SMG7: variants seen among roughly 807,000 people sequenced by gnomAD.
SMG7 encodes the protein nonsense-mediated mRNA decay factor SMG7.
Under a neutral mutation model 148.2 loss-of-function variants are expected in SMG7, and 34 were observed. The observed-to-expected ratio is 0.23, with a 90% CI of 0.17 to 0.31. The LOEUF (loss-of-function observed/expected upper bound fraction) is 0.31. Ranked by LOEUF, SMG7 falls within the 10% of genes least tolerant of loss-of-function variation. The pLI is 1.00. For synonymous variants in SMG7, 492 were observed against 515.1 expected (o/e 0.96, Z 0.61); for missense variants, 1,114 against 1,408.4 (o/e 0.79, Z 3.35).
intron 20 of SMG7, 28 bp downstream of exon 20, chr1:183,549,951 C>A: frequency 6.5e-7 from 1 of 1,536,666 alleles, no homozygotes; most frequent in Middle Eastern, 1.7e-4. Context: ...AATTATAGAC[C>A]TTACATTTCC....
intron 1 of SMG7, among the ~76,000 whole-genome samples, chr1:183,481,016 G>A (rs757398625): frequency 1.3e-5 from 2 of 152,178 alleles, no homozygotes; most frequent in South Asian, 4.2e-4. Context: ...TCTTTTTCAG[G>A]TTCTTTACCA....
intron 1 of SMG7, among the ~76,000 whole-genome samples, chr1:183,477,699 T>C (rs1284097982): frequency 3.3e-5 from 5 of 149,444 alleles, no homozygotes; most frequent in East Asian, 1.9e-4. Context: ...TATGTGTATA[T>C]ATGCATATAT....
intron 2 of SMG7, chr1:183,513,231 A>T: frequency 5.7e-6 from 1 of 176,730 alleles, no homozygotes; most frequent in Non-Finnish European, 1.2e-5. Flanking sequence ...TTTCTGGGAA[A>T]TTTTTTTTTC....
intron 1 of SMG7, among the ~76,000 whole-genome samples, chr1:183,500,355 A>G (rs1659468589): frequency 6.6e-6 from 1 of 152,222 alleles, no homozygotes; most frequent in Non-Finnish European, 1.5e-5. Context: ...TTTTCTTAAG[A>G]AAAAGGATGT....
chr1:183,485,061 C>G (rs568644948), intron 1 of SMG7, among the ~76,000 whole-genome samples: 1 of 151,932 alleles, frequency 6.6e-6, no homozygotes, highest in African/African-American at 2.4e-5. Flanking sequence ...AGACAGTATT[C>G]CAAATATTGT....
intron 16 of SMG7, 130 bp downstream of exon 16, chr1:183,545,442 A>G (rs1669756201): frequency 9.5e-7 from 1 of 1,048,176 alleles, no homozygotes; most frequent in African/African-American, 1.6e-5. Context: ...TGGGAAAACA[A>G]AAGTATTGTC....
intron 13 of SMG7, 85 bp from the exon 14 acceptor site, chr1:183,541,991 T>C: frequency 1.8e-6 from 2 of 1,099,708 alleles, no homozygotes; most frequent in Non-Finnish European, 2.6e-6. Flanking sequence ...GTGCTAGGAA[T>C]ATATTGACTT....
rs750048780 is a variant in SMG7 at position 183,515,843 on chromosome 1, C to T, written c.62-31C>T. The stretch of plus-strand genomic sequence containing the variant: ...GTTTTAACTGCTGGGGTTTATCTAT[C>T]TACCGTTATGTTTTTGTTTTTGTTA... On this transcript the variant is annotated intron_variant, in intron 2 of 22. Transcript: ENST00000688051. 6.4e-6 allele frequency: 9 copies of T among 1,399,148 alleles called. No homozygotes were observed. In the South Asian group the frequency reaches 1.0e-4, roughly 16 times the overall value. The allele number at this position is 1,399,148 out of a possible 1,614,324, so 86.7% of individuals were successfully genotyped here. A position where few individuals can be genotyped will look rare whatever the true frequency, so the allele number is the denominator to read the frequency against.
chr1:183,506,875 CTTT>C (rs71130622), intron 1 of SMG7, among the ~76,000 whole-genome samples: 16 of 111,804 alleles, frequency 1.4e-4, no homozygotes, highest in African/African-American at 3.9e-4. Context: ...ACTATATATT[CTTT>C]TTTTTTTTTT....
intron 10 of SMG7, among the ~76,000 whole-genome samples, chr1:183,534,655 G>GT (rs1417625565): frequency 2.6e-5 from 4 of 152,120 alleles, no homozygotes; most frequent in Admixed American, 1.3e-4. Flanking sequence ...GAGGTCAGGA[G>GT]TTTGAGACCA....
chr1:183,542,677 G>A (rs941512799), intron 14 of SMG7, among the ~76,000 whole-genome samples, 175 bp downstream of exon 14: 13 of 151,918 alleles, frequency 8.6e-5, no homozygotes, highest in Admixed American at 4.6e-4. Context: ...TTCAATTCTT[G>A]GGAATTGTGA....
intron 1 of SMG7, among the ~76,000 whole-genome samples, chr1:183,512,118 G>A (rs1424551622): frequency 6.6e-6 from 1 of 152,170 alleles, no homozygotes; most frequent in Admixed American, 6.5e-5. Flanking sequence ...TAAAATGTGT[G>A]AGATACTTGG....
chr1:183,528,746 T>A (rs577684163), intron 6 of SMG7, 146 bp from the exon 7 acceptor site: 6 of 672,132 alleles, frequency 8.9e-6, no homozygotes, highest in Non-Finnish European at 1.5e-5. Context: ...CTGTTGGACC[T>A]TACGCTGGTT....
intron 1 of SMG7, among the ~76,000 whole-genome samples, chr1:183,498,559 C>T (rs952338893): frequency 1.3e-5 from 2 of 152,156 alleles, no homozygotes; most frequent in South Asian, 4.1e-4. Flanking sequence ...TTTTGTTCAC[C>T]GTCACCTGTC....
At position 183,542,241 on chromosome 1, in the gene SMG7, A is replaced by G. The variant is rs200022473; in HGVS notation, c.1581A>G (p.Leu527=). 118 of 1,614,144 alleles carry G rather than the reference A, an allele frequency of 7.3e-5. No homozygotes were observed. Among genetic ancestry groups the G allele is most frequent in the Non-Finnish European group, 6.6e-5 (78 of 1,180,004 alleles). Reference sequence around the variant, plus strand: ...GGAGCCCAGGGCTAAAATCAGTGCTATCTACAAGCCGAAATTTAAGCAACA... The same window carrying G: ...GGAGCCCAGGGCTAAAATCAGTGCTGTCTACAAGCCGAAATTTAAGCAACA... The part of the protein sequence containing the change: ...ADGSPGLKSV[L]STSRNLSNNC... Residue 527 remains leucine, a synonymous_variant, in exon 14 of 23, where the codon CTA becomes CTG. Transcript: ENST00000688051.
intron 18 of SMG7, among the ~76,000 whole-genome samples, chr1:183,547,520 C>T (rs1445931288): frequency 4.6e-5 from 7 of 152,170 alleles, no homozygotes; most frequent in African/African-American, 1.7e-4. Context: ...GTCACACACA[C>T]GATGTGATGG....
intron 18 of SMG7, among the ~76,000 whole-genome samples, chr1:183,547,741 A>G (rs910331566): frequency 2.6e-5 from 4 of 152,168 alleles, no homozygotes; most frequent in Non-Finnish European, 5.9e-5. Flanking sequence ...AAGAGCCCTG[A>G]TCTAAATTCA....
Position 183,553,986 on chromosome 1 carries a change from G to C in SMG7, c.*2055G>C, listed in dbSNP as rs1413886425. On this transcript the variant is annotated 3_prime_UTR_variant, in exon 23 of 23. Coordinates refer to ENST00000688051, the MANE Select transcript of SMG7 (RefSeq NM_001375584.1). ...GTGTTTGGAATGTTTTCTGACTCTT[G>C]GGGCGGGATTCCTCGCCTTATCATC... 1 of 152,624 alleles carries C rather than the reference G, an allele frequency of 6.6e-6. No individual in the cohort carries two copies. The highest frequency in any genetic ancestry group is 1.9e-4 in the East Asian group (1 of 5,192). The allele number at this position is 152,624 out of a possible 1,614,324, so 9.5% of individuals were successfully genotyped here.
chr1:183,540,248 G>A (rs1263235425), intron 12 of SMG7, among the ~76,000 whole-genome samples: 1 of 152,034 alleles, frequency 6.6e-6, no homozygotes, highest in Admixed American at 6.6e-5. Flanking sequence ...ACCTTTCAGA[G>A]CTTCTCAGAA....
Sources: gnomAD v4.1 joint callset for allele counts (sites outside exome capture counted in the v4.1 genomes callset) on GRCh38, gnomAD v4.1.1 for gene constraint, MANE v1.5 for transcripts, NCBI Gene and HGNC (gene_info 2026-07-23, HGNC 2026-07-21) for gene names.